CLSTN2: variants seen among roughly 807,000 people sequenced by gnomAD.
The protein encoded by CLSTN2 is calsyntenin 2, also known as calsyntenin-2.
In CLSTN2, 48 loss-of-function variants were observed where a neutral mutation model predicts 101.2. The ratio of observed to expected loss-of-function variants is 0.47; its 90% CI spans 0.38 to 0.60. CLSTN2 has a LOEUF of 0.60. Ranked by LOEUF, CLSTN2 falls within the 20% of genes least tolerant of loss-of-function variation. The probability of loss-of-function intolerance (pLI) is 0.00; values close to 1 mark genes in which losing one functional copy is unlikely to be tolerated. For missense variants in CLSTN2, 1,160 were observed against 1,238.2 expected (o/e 0.94, Z 0.95); for synonymous variants, 481 against 463.6 (o/e 1.04, Z -0.48).
At chr3:140,357,253 T>C (rs1032636163) in intron 2 of CLSTN2, among the ~76,000 whole-genome samples, 5 of 152,242 alleles carry the variant, frequency 3.3e-5, no homozygotes, top group African/African-American at 9.6e-5. Flanking sequence ...ATATTCATTA[T>C]AGCCCACGAA....
At chr3:140,411,720 C>T (rs2088366035) in intron 4 of CLSTN2, among the ~76,000 whole-genome samples, 1 of 152,186 alleles carries the variant, frequency 6.6e-6, no homozygotes, top group Non-Finnish European at 1.5e-5. Context: ...CTACTGTGCC[C>T]AGCAACCACC....
chr3:140,030,623 G>A (rs2107759614), intron 1 of CLSTN2, among the ~76,000 whole-genome samples: 1 of 152,304 alleles, frequency 6.6e-6, no homozygotes, highest in African/African-American at 2.4e-5. Context: ...CAGCACCAGG[G>A]TGGAGAGGAC....
intron 1 of CLSTN2, among the ~76,000 whole-genome samples, chr3:140,041,394 C>A (rs997635815): frequency 6.6e-6 from 1 of 152,140 alleles, no homozygotes; most frequent in Admixed American, 6.5e-5. Context: ...CCTTGTCTCT[C>A]CATATCCAGG....
intron 1 of CLSTN2, among the ~76,000 whole-genome samples, chr3:139,967,987 C>CTGTG (rs34743059): frequency 2.0e-5 from 3 of 150,516 alleles, no homozygotes; most frequent in Non-Finnish European, 4.4e-5. Context: ...ATATGTGTGT[C>CTGTG]TGTGTGTGTG....
At chr3:140,244,788 TAA>T (rs922897758) in intron 2 of CLSTN2, among the ~76,000 whole-genome samples, 10 of 152,240 alleles carry the variant, frequency 6.6e-5, no homozygotes, top group Admixed American at 5.2e-4. Flanking sequence ...AATATCTTAT[TAA>T]GTTTGTAGTT....
intron 8 of CLSTN2, among the ~76,000 whole-genome samples, chr3:140,495,444 T>C (rs1356646914): frequency 1.3e-5 from 2 of 152,250 alleles, no homozygotes; most frequent in African/African-American, 2.4e-5. Context: ...CTTCTTTTAC[T>C]GTGCAGAAGC....
intron 1 of CLSTN2, among the ~76,000 whole-genome samples, chr3:140,115,824 G>A (rs779735954): frequency 3.3e-5 from 5 of 152,168 alleles, no homozygotes; most frequent in Non-Finnish European, 7.3e-5. Context: ...CATTCTTCAG[G>A]AAATAAAAAG....
intron 2 of CLSTN2, among the ~76,000 whole-genome samples, chr3:140,316,688 G>A (rs529502259): frequency 6.6e-6 from 1 of 152,276 alleles, no homozygotes; most frequent in East Asian, 1.9e-4. Flanking sequence ...ATACCTGCTG[G>A]GGGTGATTAA....
At position 140,485,757 on chromosome 3, in the gene CLSTN2, T is replaced by C. The variant is rs189459080; in HGVS notation, c.1344+19026T>C. ...CATGGGCATAGGACCCTCCGAGCCATGCGCAGGATATAATATCCTGGTGTG... is the reference window on the plus strand; with the variant it reads ...CATGGGCATAGGACCCTCCGAGCCACGCGCAGGATATAATATCCTGGTGTG... On this transcript the variant is annotated intron_variant, in intron 8 of 16. Transcript: ENST00000458420. Among the ~76,000 whole-genome samples, 31 of 152,234 alleles carry C rather than the reference T, an allele frequency of 2.0e-4. No homozygotes were observed. In the East Asian group the frequency reaches 5.4e-3, roughly 27 times the overall value.
intron 1 of CLSTN2, among the ~76,000 whole-genome samples, chr3:139,977,717 G>A (rs1935843903): frequency 6.6e-6 from 1 of 150,754 alleles, no homozygotes; most frequent in Non-Finnish European, 1.5e-5. Flanking sequence ...GGGGTGGGGG[G>A]CAGTGGGCAA....
chr3:140,361,507 T>G (rs1337670044), intron 2 of CLSTN2, among the ~76,000 whole-genome samples: 1 of 152,096 alleles, frequency 6.6e-6, no homozygotes, highest in Non-Finnish European at 1.5e-5. Flanking sequence ...AAAAAGATAT[T>G]AAAGACATTT....
chr3:140,073,506 GCCACACACATT>G (rs1454364044), intron 1 of CLSTN2, among the ~76,000 whole-genome samples: 3 of 152,178 alleles, frequency 2.0e-5, no homozygotes, highest in Non-Finnish European at 4.4e-5. Flanking sequence ...CTTGGCACAG[GCCACACACATT>G]CCTTTGCCAG....
chr3:140,418,836 C>G (rs2088460204), intron 4 of CLSTN2, among the ~76,000 whole-genome samples: 1 of 151,976 alleles, frequency 6.6e-6, no homozygotes, highest in Non-Finnish European at 1.5e-5. Context: ...ATTATTGATC[C>G]AGTGTCTTGG....
chr3:140,274,309 G>C (rs1359868151), intron 2 of CLSTN2, among the ~76,000 whole-genome samples: 1 of 152,138 alleles, frequency 6.6e-6, no homozygotes, highest in African/African-American at 2.4e-5. Flanking sequence ...GAAGAGCTCT[G>C]ACTGAGGACA....
intron 1 of CLSTN2, among the ~76,000 whole-genome samples, chr3:139,964,686 A>G (rs918311993): frequency 2.0e-5 from 3 of 152,110 alleles, no homozygotes; most frequent in African/African-American, 7.2e-5. Context: ...GTACATGAAC[A>G]ATGAACATAA....
intron 8 of CLSTN2, 50 bp from the exon 9 acceptor site, chr3:140,532,274 G>A: frequency 6.7e-7 from 1 of 1,494,342 alleles, no homozygotes; most frequent in Admixed American, 1.9e-5. Context: ...CCTGTTTGAT[G>A]TTTTATTACA....
rs1985368073 is a variant in CLSTN2 at position 140,568,309 on chromosome 3, C to G, written c.*2056C>G. ...GAAATAAACAGGCCTAGAAATTACA[C>G]AAGAGACAAATGAAGAGGAAGAGAA... On this transcript the variant is annotated 3_prime_UTR_variant, in exon 17 of 17. Coordinates refer to ENST00000458420, the MANE Select transcript of CLSTN2 (RefSeq NM_022131.3). The G allele has an allele frequency of 6.6e-6, 1 of 152,170 alleles. No homozygotes were observed. The highest frequency in any genetic ancestry group is 1.5e-5 in the Non-Finnish European group (1 of 68,028). 9.4% of individuals were successfully genotyped at this position (152,170 alleles called of 1,614,324 possible). A position where few individuals can be genotyped will look rare whatever the true frequency, so the allele number is the denominator to read the frequency against.
At chr3:140,107,051 T>TA (rs779475933) in intron 1 of CLSTN2, among the ~76,000 whole-genome samples, 1 of 152,328 alleles carries the variant, frequency 6.6e-6, no homozygotes, top group African/African-American at 2.4e-5. Context: ...TTAAGAGGAC[T>TA]AACAATCTAT....
chr3:140,304,142 A>C (rs2087088299), intron 2 of CLSTN2, among the ~76,000 whole-genome samples: 2 of 152,182 alleles, frequency 1.3e-5, no homozygotes, highest in Non-Finnish European at 2.9e-5. Context: ...TTCTGGCTAT[A>C]ACTACATGAA....
Sources: allele counts gnomAD v4.1 joint callset (sites outside exome capture counted in the v4.1 genomes callset), GRCh38; gene constraint gnomAD v4.1.1; transcripts MANE v1.5; gene names NCBI Gene and HGNC (gene_info 2026-07-23, HGNC 2026-07-21).